Variants in ANLN observed in about 807,000 individuals in gnomAD.
ANLN encodes the protein anillin, actin binding protein.
A neutral mutation model predicts 135.1 loss-of-function variants in ANLN; 59 were observed. The ratio of observed to expected loss-of-function variants is 0.44; its 90% CI spans 0.35 to 0.54. The LOEUF is 0.54. Ranked by LOEUF, ANLN falls within the 20% of genes least tolerant of loss-of-function variation. The pLI, the probability that ANLN is intolerant of heterozygous loss-of-function variation, is 0.00. For synonymous variants in ANLN, 406 were observed against 456.4 expected (o/e 0.89, Z 1.41); for missense variants, 1,182 against 1,340.0 (o/e 0.88, Z 1.84).
Position 36,389,991 on chromosome 7 carries a change from C to T in ANLN, c.-36C>T, listed in dbSNP as rs1786351684. On this transcript the variant is annotated 5_prime_UTR_variant, in exon 1 of 24. Transcript: ENST00000265748. ...CTTTTCTCTTCCTGAATTTGAACCA[C>T]CGTTTCCATCGTCTCGTAGTCCGAC... The T allele has an allele frequency of 6.2e-7, 1 of 1,614,124 alleles. No homozygotes were observed. Among genetic ancestry groups the T allele is most frequent in the Non-Finnish European group, 8.5e-7 (1 of 1,179,978 alleles).
intron 23 of ANLN, 111 bp downstream of exon 23, chr7:36,449,948 C>G (rs1457116593): frequency 9.9e-7 from 1 of 1,008,564 alleles, no homozygotes. Flanking sequence ...AAGGGCACAG[C>G]CTTAGTGAGA....
rs1226684548 is a variant in ANLN, at chr7:36,406,266, C to T, written c.573C>T (p.Ala191=). ...ASPPRPLLSN[A]SATPVGRRGR... ...CTCCCAGACCTCTGCTTTCAAATGC[C>T]TCGGCAACTCCAGTTGGCAGAAGGG... The change falls in exon 4 of 24, where the codon GCC becomes GCT. Residue 191 remains alanine, a synonymous_variant. Transcript: ENST00000265748. 1 of 1,614,112 alleles carries T rather than the reference C, an allele frequency of 6.2e-7. No homozygotes were observed. The highest frequency in any genetic ancestry group is 1.7e-5 in the Admixed American group (1 of 60,018).
At chr7:36,403,584 AGT>A (rs1269818476) in intron 3 of ANLN, 2 of 152,332 alleles carry the variant, frequency 1.3e-5, no homozygotes, top group South Asian at 2.1e-4. Flanking sequence ...GAGTGAGTTA[AGT>A]GGTGCGTGAA....
intron 10 of ANLN, 132 bp downstream of exon 10, chr7:36,419,611 C>A (rs1237623299): frequency 5.8e-6 from 4 of 688,886 alleles, no homozygotes; most frequent in Non-Finnish European, 7.2e-6. Flanking sequence ...GTTGTCTGTT[C>A]TCTTAAAAGA....
At chr7:36,435,761 T>C (rs886844396) in intron 20 of ANLN, among the ~76,000 whole-genome samples, 6 of 148,202 alleles carry the variant, frequency 4.0e-5, no homozygotes, top group African/African-American at 1.0e-4. Context: ...TAGTCCCAGC[T>C]ACTCGGGAGG....
At chr7:36,392,929 A>G (rs1235116436) in intron 1 of ANLN, among the ~76,000 whole-genome samples, 1 of 152,246 alleles carries the variant, frequency 6.6e-6, no homozygotes, top group Admixed American at 6.5e-5. Flanking sequence ...ACGAATGAAT[A>G]TAATTAGGCT....
intron 21 of ANLN, among the ~76,000 whole-genome samples, chr7:36,440,853 A>G (rs1246509757): frequency 6.6e-6 from 1 of 152,216 alleles, no homozygotes; most frequent in Non-Finnish European, 1.5e-5. Context: ...GAGAAAATCC[A>G]CTTGCTTTGG....
chr7:36,445,036 G>A (rs76184367), intron 22 of ANLN, among the ~76,000 whole-genome samples: 3,048 of 151,756 alleles, frequency 0.02, 45 homozygotes, highest in Middle Eastern at 0.054. Context: ...TCTCTCTCCC[G>A]CAGAGATAAC....
intron 1 of ANLN, chr7:36,390,245 T>A: frequency 1.3e-6 from 1 of 794,604 alleles, no homozygotes; most frequent in Non-Finnish European, 2.0e-6. Flanking sequence ...GTTTCGGTCC[T>A]ACAGATAAAA....
intron 21 of ANLN, among the ~76,000 whole-genome samples, chr7:36,441,223 G>A (rs1442199290): frequency 6.6e-6 from 1 of 152,138 alleles, no homozygotes; most frequent in African/African-American, 2.4e-5. Flanking sequence ...TGGTCCATTT[G>A]CATATAACGT....
Position 36,417,071 on chromosome 7 carries a change from C to T in ANLN, c.1523-9C>T. On this transcript the variant is annotated splice_polypyrimidine_tract_variant and intron_variant, in intron 8 of 23. Transcript: ENST00000265748. ...ATATATTAATATGGTCTTTCTTAAA[C>T]ATTTTTAGGTTTCACTGAATGCGAA... is the stretch of plus-strand genomic sequence containing the variant. 6.6e-7 allele frequency: 1 copy of T among 1,509,316 alleles called. No individual in the cohort carries two copies. The highest frequency in any genetic ancestry group is 9.1e-7 in the Non-Finnish European group (1 of 1,102,420). The allele number at this position is 1,509,316 out of a possible 1,614,324, so 93.5% of individuals were successfully genotyped here.
intron 13 of ANLN, 150 bp downstream of exon 13, chr7:36,422,142 T>A: frequency 1.0e-6 from 1 of 993,088 alleles, no homozygotes; most frequent in Non-Finnish European, 1.4e-6. Context: ...TTATAAGGTT[T>A]AAGAACTCTA....
Position 36,420,710 on chromosome 7 carries a change from T to C in ANLN, c.2129T>C (p.Phe710Ser), listed in dbSNP as rs1323022775. Residue 710 changes from phenylalanine (F) to serine (S), a missense_variant, in exon 12 of 24, where the codon TTT (phenylalanine) becomes TCT (serine). This residue lies in a region of ANLN where 1,022 missense variants were observed against 1,134.0 expected (regional missense o/e 0.90). Coordinates refer to ENST00000265748, the MANE Select transcript of ANLN (RefSeq NM_018685.5). ...TSKLDEKNNA[F>S]PCQVNIKQKM... ...AAACTGGATGAAAAAAATAATGCCT[T>C]TCCTTGTCAAGTTAATATCAAACAG... 6.2e-7 allele frequency: 1 copy of C among 1,613,934 alleles called. No homozygotes were observed.
chr7:36,431,555 G>GTGTGTT (rs1439146378), intron 20 of ANLN, among the ~76,000 whole-genome samples: 2 of 77,956 alleles, frequency 2.6e-5, no homozygotes, highest in African/African-American at 8.0e-5. Context: ...GTATATATGT[G>GTGTGTT]TGTGTTTGTG....
At chr7:36,425,509 T>C (rs1788044319) in intron 17 of ANLN, among the ~76,000 whole-genome samples, 193 bp from the exon 18 acceptor site, 1 of 152,130 alleles carries the variant, frequency 6.6e-6, no homozygotes, top group Non-Finnish European at 1.5e-5. Context: ...TTAGCAAGGG[T>C]GGTCTCAATC....
At chr7:36,449,414 T>C (rs1789153790) in intron 22 of ANLN, 1 of 278,362 alleles carries the variant, frequency 3.6e-6, no homozygotes, top group African/African-American at 2.2e-5. Context: ...TTATTTGAAG[T>C]TCACCATAAT....
chr7:36,445,766 T>TTTG (rs758979486), intron 22 of ANLN, among the ~76,000 whole-genome samples: 3 of 152,208 alleles, frequency 2.0e-5, no homozygotes, highest in Non-Finnish European at 1.5e-5. Flanking sequence ...GGTTGTAGGG[T>TTTG]TTGCACATCT....
Position 36,420,180 on chromosome 7 carries a change from C to T in ANLN, c.1881C>T (p.Ser627=), listed in dbSNP as rs1787814758. 1 of 1,613,248 alleles carries T rather than the reference C, an allele frequency of 6.2e-7. No individual in the cohort carries two copies. Among genetic ancestry groups the T allele is most frequent in the South Asian group, 1.1e-5 (1 of 90,970 alleles). The change falls in exon 11 of 24, where the codon TCC becomes TCT. Residue 627 remains serine, a synonymous_variant. Coordinates refer to ENST00000265748, the MANE Select transcript of ANLN (RefSeq NM_018685.5). ...GCGTTTTCCCACAGAGTTTAGTGTC[C>T]ACACCTAGACTGGAATTGAAAGACA... ...VGVVSPESLV[S]TPRLELKDTS...
chr7:36,446,517 A>G (rs1026084483), intron 22 of ANLN, among the ~76,000 whole-genome samples: 2 of 152,186 alleles, frequency 1.3e-5, no homozygotes, highest in Admixed American at 6.5e-5. Context: ...TTTTACTCAC[A>G]GCAAAAGATG....
Sources: allele counts gnomAD v4.1 joint callset (sites outside exome capture counted in the v4.1 genomes callset), GRCh38; gene constraint gnomAD v4.1.1; regional missense constraint gnomAD v4.1.1; transcripts MANE v1.5; gene names NCBI Gene and HGNC (gene_info 2026-07-23, HGNC 2026-07-21).